ZNF141: variants seen among roughly 807,000 people sequenced by gnomAD.
The protein encoded by ZNF141 is zinc finger protein 141 (clone pHZ-44).
A neutral mutation model predicts 11.3 loss-of-function variants in ZNF141; 7 were observed. That is an observed-to-expected ratio of 0.62 (90% CI 0.35 to 1.16). The LOEUF is 1.16. Ranked by LOEUF, ZNF141 falls within the 50% of genes most tolerant of loss-of-function variation. The pLI is 0.02. For synonymous variants in ZNF141, 183 were observed against 190.7 expected, an observed-to-expected ratio of 0.96 and a Z score of 0.33; for missense variants, 535 against 554.0, an observed-to-expected ratio of 0.97 and a Z score of 0.34.
Position 381,946 on chromosome 4 carries a change from CT to C in ZNF141, c.*8103del, listed in dbSNP as rs34905613. On this transcript the variant is annotated 3_prime_UTR_variant, in exon 4 of 4. Transcript: ENST00000240499. ...CTAGGGCCACCACCATCTCTGGGAA[CT>C]TTTTTTTTTTTTTTTTTTGAGACGG... Among the ~76,000 whole-genome samples the C allele has an allele frequency of 0.22, 23,638 of 105,832 alleles. 2,373 individuals carry two copies. The highest frequency in any genetic ancestry group is 0.23 in the Non-Finnish European group (12,531 of 54,980). 69.4% of individuals were successfully genotyped at this position (105,832 alleles called of 152,430 possible). A position where few individuals can be genotyped will look rare whatever the true frequency, so the allele number is the denominator to read the frequency against.
In ZNF141 at chr4:369,764, A is replaced by ATTTTT. The variant is rs34509477; in HGVS notation, c.227-2884_227-2880dup. Among the ~76,000 whole-genome samples, 23 of 48,724 alleles carry ATTTTT rather than the reference A, an allele frequency of 4.7e-4. 4 individuals are homozygous for ATTTTT. The highest frequency in any genetic ancestry group is 3.7e-3 in the African/African-American group (22 of 5,882). 32.0% of individuals were successfully genotyped at this position (48,724 alleles called of 152,430 possible). A position where few individuals can be genotyped will look rare whatever the true frequency, so the allele number is the denominator to read the frequency against. On this transcript the variant is annotated intron_variant, in intron 3 of 3. Transcript: ENST00000240499. Reference sequence around the variant, plus strand: ...TATATATATATATATATATATATATATTTTTTTTTTTTTTTTTTTTGAGAG... The same window carrying ATTTTT: ...TATATATATATATATATATATATATATTTTTTTTTTTTTTTTTTTTTTTTTGAGAG...
At chr4:363,117 T>G (rs142424295) in intron 3 of ZNF141, among the ~76,000 whole-genome samples, 37,774 of 151,988 alleles carry the variant, frequency 0.25, 4,715 homozygotes, top group Middle Eastern at 0.29. Flanking sequence ...TGGATTCCTA[T>G]GTATTTTATT....
At position 374,245 on chromosome 4, in the gene ZNF141, T is replaced by C; in HGVS notation, c.*383T>C. 3.3e-6 allele frequency: 1 copy of C among 306,554 alleles called. No individual in the cohort carries two copies. The highest frequency in any genetic ancestry group is 3.4e-5 in the South Asian group (1 of 29,290). The allele number at this position is 306,554 out of a possible 1,614,324, so 19.0% of individuals were successfully genotyped here. A position where few individuals can be genotyped will look rare whatever the true frequency, so the allele number is the denominator to read the frequency against. ...AGAATGTGGCAAAGCATTTAATTGG[T>C]CCTCAATGCTTAATAAATATAATTC... On this transcript the variant is annotated 3_prime_UTR_variant, in exon 4 of 4. Transcript: ENST00000240499.
intron 3 of ZNF141, among the ~76,000 whole-genome samples, chr4:355,712 T>C (rs1375152956): frequency 1.3e-5 from 2 of 152,208 alleles, no homozygotes; most frequent in African/African-American, 4.8e-5. Flanking sequence ...TTTTAGATTG[T>C]TTTTTGCTTA....
chr4:363,775 G>A (rs571989917), intron 3 of ZNF141, among the ~76,000 whole-genome samples: 153 of 111,854 alleles, frequency 1.4e-3, no homozygotes, highest in African/African-American at 5.7e-3. Flanking sequence ...AAAAAAAGGC[G>A]GGGGGGAATG....
At chr4:366,774 A>G (rs542048087) in intron 3 of ZNF141, among the ~76,000 whole-genome samples, 2 of 152,194 alleles carry the variant, frequency 1.3e-5, no homozygotes, top group East Asian at 3.8e-4. Flanking sequence ...TCCTAGGTTC[A>G]AGCAATTCTC....
At position 343,251 on chromosome 4, in the gene ZNF141, G is replaced by A. The variant is rs563299990; in HGVS notation, c.4-531G>A. On this transcript the variant is annotated intron_variant, in intron 1 of 3. Transcript: ENST00000240499. Reference sequence around the variant, plus strand: ...GCTTGATTTTGGTAGGGGAAGGTCAGTGTAGCCCATTATTTTTATTGCAGC... The same window carrying A: ...GCTTGATTTTGGTAGGGGAAGGTCAATGTAGCCCATTATTTTTATTGCAGC... Among the ~76,000 whole-genome samples, 6 of 152,226 alleles carry A rather than the reference G, an allele frequency of 3.9e-5. No individual in the cohort carries two copies. The East Asian group carries it at 9.7e-4, about 25-fold the overall frequency.
Position 374,321 on chromosome 4 carries a change from G to T in ZNF141, c.*459G>T, listed in dbSNP as rs185138863. 294 of 319,022 alleles carry T rather than the reference G, an allele frequency of 9.2e-4. 1 individual carries two copies. Among genetic ancestry groups the T allele is most frequent in the African/African-American group, 5.7e-3 (263 of 45,908 alleles). The allele number at this position is 319,022 out of a possible 1,614,324, so 19.8% of individuals were successfully genotyped here. Reference sequence around the variant, plus strand: ...AACCGTGTGGCAAAGCCTTTAAATGGTCCTCAACCCTTAATGAACGTAAGT... The same window carrying T: ...AACCGTGTGGCAAAGCCTTTAAATGTTCCTCAACCCTTAATGAACGTAAGT... On this transcript the variant is annotated 3_prime_UTR_variant, in exon 4 of 4. Coordinates refer to ENST00000240499, the MANE Select transcript of ZNF141 (RefSeq NM_003441.4).
chr4:365,212 C>T (rs1191383609), intron 3 of ZNF141, among the ~76,000 whole-genome samples: 1 of 152,194 alleles, frequency 6.6e-6, no homozygotes, highest in Non-Finnish European at 1.5e-5. Flanking sequence ...GGCAGGAGAT[C>T]CCGATTTTCC....
Position 375,667 on chromosome 4 carries a change from AAAGTAT to A in ZNF141, c.*1807_*1812del, listed in dbSNP as rs1712329431. 6.6e-6 allele frequency among the ~76,000 whole-genome samples: 1 copy of A among 152,094 alleles called. No homozygotes were observed. The highest frequency in any genetic ancestry group is 6.5e-5 in the Admixed American group (1 of 15,270). Reference sequence around the variant, plus strand: ...AGATTTTTGAAGAGATACTACATTTAAAGTATATTTTTTCACTTGAAAAAAGTATAG... The same window carrying A: ...AGATTTTTGAAGAGATACTACATTTAATTTTTTCACTTGAAAAAAGTATAG... On this transcript the variant is annotated 3_prime_UTR_variant, in exon 4 of 4. Transcript: ENST00000240499.
In ZNF141 at chr4:337,911, C is replaced by T. The variant is rs1720863608; in HGVS notation, c.-73C>T. On this transcript the variant is annotated 5_prime_UTR_variant, in exon 1 of 4. Transcript: ENST00000240499. ...CTTGGTGATTCGGCCACAGCTCAGC[C>T]TCCGTCGCTCTGTGACCTGCGGGTA... The T allele has an allele frequency of 6.3e-7, 1 of 1,598,666 alleles. No individual in the cohort carries two copies. The highest frequency in any genetic ancestry group is 8.6e-7 in the Non-Finnish European group (1 of 1,168,212).
intron 1 of ZNF141, among the ~76,000 whole-genome samples, chr4:339,122 G>A (rs191367667): frequency 2.0e-5 from 3 of 152,330 alleles, no homozygotes; most frequent in Admixed American, 2.0e-4. Flanking sequence ...CTTGTCCCAG[G>A]ACAGGGTTCT....
At chr4:366,342 C>T (rs942519598) in intron 3 of ZNF141, among the ~76,000 whole-genome samples, 5 of 152,064 alleles carry the variant, frequency 3.3e-5, no homozygotes, top group Admixed American at 6.6e-5. Flanking sequence ...AAAGTCTCAC[C>T]CTGTTGCCCA....
At chr4:355,021 T>C (rs1236350857) in intron 3 of ZNF141, among the ~76,000 whole-genome samples, 1 of 152,076 alleles carries the variant, frequency 6.6e-6, no homozygotes, top group African/African-American at 2.4e-5. Flanking sequence ...ACTGTTACTA[T>C]CATATTTGTT....
At position 383,181 on chromosome 4, in the gene ZNF141, C is replaced by G. The variant is rs1158724474; in HGVS notation, c.*9319C>G. On this transcript the variant is annotated 3_prime_UTR_variant, in exon 4 of 4. Coordinates refer to ENST00000240499, the MANE Select transcript of ZNF141 (RefSeq NM_003441.4). ...AAGCCAAAGTGCCTCAGTTTACAGACAGCTCACTCACAGAAGCAGAGCCAC... is the reference window on the plus strand; with the variant it reads ...AAGCCAAAGTGCCTCAGTTTACAGAGAGCTCACTCACAGAAGCAGAGCCAC... 1.4e-6 allele frequency: 1 copy of G among 700,986 alleles called. No individual in the cohort carries two copies. The highest frequency in any genetic ancestry group is 2.6e-6 in the Non-Finnish European group (1 of 384,410). The allele number at this position is 700,986 out of a possible 1,614,324, so 43.4% of individuals were successfully genotyped here. A position where few individuals can be genotyped will look rare whatever the true frequency, so the allele number is the denominator to read the frequency against.
At position 384,340 on chromosome 4, in the gene ZNF141, T is replaced by G. The variant is rs1224687922; in HGVS notation, c.*10478T>G. The G allele has an allele frequency of 6.6e-6, 1 of 152,204 alleles. No homozygotes were observed. The highest frequency in any genetic ancestry group is 1.5e-5 in the Non-Finnish European group (1 of 68,112). The allele number at this position is 152,204 out of a possible 1,614,324, so 9.4% of individuals were successfully genotyped here. A position where few individuals can be genotyped will look rare whatever the true frequency, so the allele number is the denominator to read the frequency against. On this transcript the variant is annotated 3_prime_UTR_variant, in exon 4 of 4. Coordinates refer to ENST00000240499, the MANE Select transcript of ZNF141 (RefSeq NM_003441.4). ...GATATTTGAAAAGAAGAGGAACCCCTGAGAAAGGAGGCAGAGGCTGGTTAG... is the reference window on the plus strand; with the variant it reads ...GATATTTGAAAAGAAGAGGAACCCCGGAGAAAGGAGGCAGAGGCTGGTTAG...
At chr4:342,602 A>G (rs1232492447) in intron 1 of ZNF141, among the ~76,000 whole-genome samples, 3 of 152,202 alleles carry the variant, frequency 2.0e-5, no homozygotes, top group African/African-American at 4.8e-5. Flanking sequence ...CAAATAATGT[A>G]TATGTACAAT....
rs1353377510 is a variant in ZNF141 at position 381,011 on chromosome 4, T to C, written c.*7149T>C. ...TTGGGAACAGCTTTCCTTTCAACTG[T>C]CCTTCACCACCCCTTTAGCAATTCA... On this transcript the variant is annotated 3_prime_UTR_variant, in exon 4 of 4. Transcript: ENST00000240499. Among the ~76,000 whole-genome samples the C allele has an allele frequency of 3.3e-5, 5 of 152,196 alleles. No homozygotes were observed. The highest frequency in any genetic ancestry group is 1.2e-4 in the African/African-American group (5 of 41,458).
At chr4:352,750 C>G (rs939951868) in intron 3 of ZNF141, among the ~76,000 whole-genome samples, 1 of 152,094 alleles carries the variant, frequency 6.6e-6, no homozygotes, top group African/African-American at 2.4e-5. Context: ...CATTTTTTCC[C>G]TTTGGCTTTT....
Sources: gnomAD v4.1 joint callset for allele counts (sites outside exome capture counted in the v4.1 genomes callset) on GRCh38, gnomAD v4.1.1 for gene constraint, MANE v1.5 for transcripts, NCBI Gene and HGNC (gene_info 2026-07-23, HGNC 2026-07-21) for gene names.